GRXCR1: variants seen among roughly 807,000 people sequenced by gnomAD.
The protein encoded by GRXCR1 is glutaredoxin domain-containing cysteine-rich protein 1.
Under a neutral mutation model 27.3 loss-of-function variants are expected in GRXCR1, and 27 were observed. The observed-to-expected ratio is 0.99, with a 90% CI of 0.73 to 1.37. GRXCR1 has a LOEUF of 1.37. GRXCR1 is among the 40% of genes most tolerant of loss of function. The pLI, the probability that GRXCR1 is intolerant of heterozygous loss-of-function variation, is 0.00. For missense variants in GRXCR1, 379 were observed against 354.4 expected, an observed-to-expected ratio of 1.07 and a Z score of -0.56; for synonymous variants, 122 against 131.1, an observed-to-expected ratio of 0.93 and a Z score of 0.47.
intron 2 of GRXCR1, among the ~76,000 whole-genome samples, chr4:42,978,442 A>G (rs1560672539): frequency 6.6e-6 from 1 of 152,132 alleles, no homozygotes; most frequent in East Asian, 1.9e-4. Context: ...TGAACTCAGA[A>G]TATCTGTTCA....
chr4:42,983,211 C>G (rs1180549606), intron 2 of GRXCR1, among the ~76,000 whole-genome samples: 2 of 150,920 alleles, frequency 1.3e-5, no homozygotes, highest in East Asian at 3.9e-4. Flanking sequence ...AGTCTTTAAT[C>G]CATCTTGAAT....
chr4:42,941,971 A>G (rs188954907), intron 1 of GRXCR1, among the ~76,000 whole-genome samples: 1 of 152,252 alleles, frequency 6.6e-6, no homozygotes, highest in East Asian at 1.9e-4. Flanking sequence ...TTAATTTGAT[A>G]TATATGCAAA....
chr4:42,932,814 G>A (rs1056871771), intron 1 of GRXCR1, among the ~76,000 whole-genome samples: 4 of 151,382 alleles, frequency 2.6e-5, no homozygotes, highest in Non-Finnish European at 4.4e-5. Flanking sequence ...CTTTAAAAGA[G>A]GTTAAGTGCT....
Position 43,030,489 on chromosome 4 carries a change from T to A in GRXCR1, c.822T>A (p.Cys274Ter). 6.2e-7 allele frequency: 1 copy of A among 1,614,170 alleles called. No individual in the cohort carries two copies. Among genetic ancestry groups the A allele is most frequent in the Non-Finnish European group, 8.5e-7 (1 of 1,179,984 alleles). The change falls in exon 4 of 4, where the codon TGT becomes TGA. Residue 274 changes from cysteine to a stop codon, truncating the protein, a stop_gained. Coordinates refer to ENST00000399770, the MANE Select transcript of GRXCR1 (RefSeq NM_001080476.3). LOFTEE classifies it high-confidence loss of function. ...CFTDSFKALK[C>*]TACNENGLQR... ...CAGACTCTTTCAAAGCCCTGAAGTG[T>A]ACGGCTTGCAATGAAAATGGTCTTC...
intron 1 of GRXCR1, among the ~76,000 whole-genome samples, chr4:42,896,590 AG>A (rs1211293369): frequency 6.6e-6 from 1 of 152,036 alleles, no homozygotes; most frequent in Non-Finnish European, 1.5e-5. Context: ...AGCTCGAGAG[AG>A]GCCAATTTGG....
chr4:42,937,217 C>T (rs1747480968), intron 1 of GRXCR1, among the ~76,000 whole-genome samples: 1 of 151,688 alleles, frequency 6.6e-6, no homozygotes. Context: ...TCAAATTGTT[C>T]CAGCTTTGGT....
intron 1 of GRXCR1, among the ~76,000 whole-genome samples, chr4:42,901,411 A>G (rs915223431): frequency 6.6e-6 from 1 of 152,112 alleles, no homozygotes; most frequent in African/African-American, 2.4e-5. Flanking sequence ...CATTTCTTGC[A>G]TTTCTCAGCT....
intron 1 of GRXCR1, among the ~76,000 whole-genome samples, chr4:42,932,915 A>T (rs539955805): frequency 6.6e-6 from 1 of 151,568 alleles, no homozygotes; most frequent in African/African-American, 2.4e-5. Flanking sequence ...AAATAAGGGG[A>T]TCTGGTATTT....
chr4:42,896,506 G>A (rs1746349318), intron 1 of GRXCR1, among the ~76,000 whole-genome samples: 1 of 152,024 alleles, frequency 6.6e-6, no homozygotes, highest in Non-Finnish European at 1.5e-5. Context: ...AATGTCTCTA[G>A]CTGTTCTAGA....
intron 1 of GRXCR1, among the ~76,000 whole-genome samples, chr4:42,944,786 C>T (rs1405331604): frequency 3.3e-5 from 5 of 152,096 alleles, no homozygotes; most frequent in Non-Finnish European, 7.4e-5. Context: ...AAATTTATGC[C>T]CAAAGCATGT....
chr4:42,937,550 A>G (rs1434166640), intron 1 of GRXCR1, among the ~76,000 whole-genome samples: 1 of 151,882 alleles, frequency 6.6e-6, no homozygotes, highest in East Asian at 1.9e-4. Context: ...ACATCTATAA[A>G]TATTTCCATA....
intron 2 of GRXCR1, among the ~76,000 whole-genome samples, chr4:42,969,526 A>G (rs1436978721): frequency 3.3e-5 from 5 of 152,146 alleles, no homozygotes; most frequent in Non-Finnish European, 7.4e-5. Flanking sequence ...AGGGAAAGCA[A>G]GCATGTCTTT....
chr4:42,979,276 C>G (rs1021420144), intron 2 of GRXCR1, among the ~76,000 whole-genome samples: 12 of 152,010 alleles, frequency 7.9e-5, no homozygotes, highest in African/African-American at 2.9e-4. Flanking sequence ...CTTAGAGGGA[C>G]AGCCTTCATC....
At chr4:42,925,703 C>A (rs1747142357) in intron 1 of GRXCR1, among the ~76,000 whole-genome samples, 1 of 152,022 alleles carries the variant, frequency 6.6e-6, no homozygotes, top group Non-Finnish European at 1.5e-5. Context: ...TACCCTTCCA[C>A]CATCTTTGCA....
chr4:42,920,072 AG>A (rs1746974370), intron 1 of GRXCR1, among the ~76,000 whole-genome samples: 1 of 152,180 alleles, frequency 6.6e-6, no homozygotes, highest in African/African-American at 2.4e-5. Context: ...CAGAGCAGGC[AG>A]GGGTCTGACA....
intron 1 of GRXCR1, among the ~76,000 whole-genome samples, chr4:42,922,208 G>A (rs1747030694): frequency 6.6e-6 from 1 of 152,176 alleles, no homozygotes; most frequent in Admixed American, 6.5e-5. Context: ...GAACTTCTTG[G>A]AATTTTGTAT....
rs1381472720 is a variant in GRXCR1, at chr4:43,028,111, C to CA, written c.694-2237dup. Among the ~76,000 whole-genome samples, 698 of 120,540 alleles carry CA rather than the reference C, an allele frequency of 5.8e-3. 3 individuals carry two copies. Among genetic ancestry groups the CA allele is most frequent in the East Asian group, 0.016 (70 of 4,244 alleles). 79.1% of individuals were successfully genotyped at this position (120,540 alleles called of 152,430 possible). On this transcript the variant is annotated intron_variant, in intron 3 of 3. Transcript: ENST00000399770. The stretch of plus-strand genomic sequence containing the variant: ...TGGGTAACAGAGTGAGACTCCGTCT[C>CA]AAAAAAAAAAAAAGAGATGTTGAAA...
chr4:42,907,979 C>T (rs974918450), intron 1 of GRXCR1, among the ~76,000 whole-genome samples: 1 of 152,120 alleles, frequency 6.6e-6, no homozygotes, highest in South Asian at 2.1e-4. Flanking sequence ...AATGTAGCAC[C>T]ACATAATAAC....
At chr4:43,017,532 T>C (rs1577947192) in intron 2 of GRXCR1, among the ~76,000 whole-genome samples, 1 of 152,316 alleles carries the variant, frequency 6.6e-6, no homozygotes, top group East Asian at 1.9e-4. Context: ...CTTAGAAGAG[T>C]TCATGTTTGT....
Sources: allele counts gnomAD v4.1 joint callset (sites outside exome capture counted in the v4.1 genomes callset), GRCh38; gene constraint gnomAD v4.1.1; transcripts MANE v1.5; gene names NCBI Gene and HGNC (gene_info 2026-07-23, HGNC 2026-07-21).